KIAA0232: variants seen among roughly 807,000 people sequenced by gnomAD.
The protein encoded by KIAA0232 is uncharacterized protein KIAA0232.
KIAA0232 carries 27 observed loss-of-function variants against 122.0 expected under a neutral mutation model. That is an observed-to-expected ratio of 0.22 (90% confidence interval 0.16 to 0.31). KIAA0232 has a LOEUF of 0.31. Among genes scored for constraint, KIAA0232 ranks in the 10% least tolerant of loss-of-function variants. The pLI, the probability that KIAA0232 is intolerant of heterozygous loss-of-function variation, is 1.00. For missense variants in KIAA0232, 1,551 were observed against 1,634.2 expected, an observed-to-expected ratio of 0.95 and a Z score of 0.88; for synonymous variants, 613 against 587.6, an observed-to-expected ratio of 1.04 and a Z score of -0.63.
At chr4:6,839,135 A>G (rs1290777721) in intron 3 of KIAA0232, among the ~76,000 whole-genome samples, 2 of 152,238 alleles carry the variant, frequency 1.3e-5, no homozygotes, top group Non-Finnish European at 2.9e-5. Flanking sequence ...CAGAAATAAA[A>G]TAAATAAAGC....
chr4:6,808,537 G>A (rs1481417088), intron 2 of KIAA0232, among the ~76,000 whole-genome samples: 1 of 150,300 alleles, frequency 6.7e-6, no homozygotes. Context: ...TTTACATAAG[G>A]CGAAAGCCTG....
intron 2 of KIAA0232, among the ~76,000 whole-genome samples, chr4:6,809,713 A>T (rs1341811856): frequency 6.6e-6 from 1 of 152,198 alleles, no homozygotes; most frequent in Admixed American, 6.5e-5. Context: ...TCCTAGATTT[A>T]ATAAGTAAAT....
In KIAA0232 at chr4:6,861,509, A is replaced by G. The variant is rs1302106164; in HGVS notation, c.1127A>G (p.Lys376Arg). 1 of 1,614,148 alleles carries G rather than the reference A, an allele frequency of 6.2e-7. No individual in the cohort carries two copies. Among genetic ancestry groups the G allele is most frequent in the Non-Finnish European group, 8.5e-7 (1 of 1,180,018 alleles). ...AGACCTTTAAAAGAAATAGGGAGAA[A>G]AGATCCTGGGAGCACTGAAGGAAAA... Reference protein sequence around the residue: ...GKRPLKEIGRKDPGSTEGKDL... With the variant: ...GKRPLKEIGRRDPGSTEGKDL... The change falls in exon 7 of 10, where the codon AAA (lysine) becomes AGA (arginine). Residue 376 changes from lysine to arginine, a missense_variant. By Grantham distance (26) the Lys-to-Arg change is conservative. Coordinates refer to ENST00000307659, the MANE Select transcript of KIAA0232 (RefSeq NM_014743.3).
rs1721010812 is a variant in KIAA0232, at chr4:6,863,608, C to T, written c.3226C>T (p.Leu1076Phe). The T allele has an allele frequency of 1.2e-6, 2 of 1,614,018 alleles. No homozygotes were observed. The highest frequency in any genetic ancestry group is 2.2e-5 in the South Asian group (2 of 91,074). The part of the protein sequence containing the change: ...FSPSFKPKSI[L>F]CSDSDSEVFH... ...CCCCAGTTTTAAACCGAAATCAATCCTCTGTTCTGATTCAGACAGTGAAGT... is the reference window on the plus strand; with the variant it reads ...CCCCAGTTTTAAACCGAAATCAATCTTCTGTTCTGATTCAGACAGTGAAGT... Residue 1076 changes from leucine to phenylalanine, a missense_variant, in exon 7 of 10, where the codon CTC (leucine) becomes TTC (phenylalanine). Physicochemically the swap from Leu to Phe is conservative, Grantham distance 22. Around this residue, in one of 5 missense-constraint regions of KIAA0232, gnomAD observed 1,108 missense variants for 1,154.8 expected, o/e 0.96. Transcript: ENST00000307659.
At chr4:6,841,918 G>T in intron 3 of KIAA0232, 149 bp from the exon 4 acceptor site, 1 of 823,854 alleles carries the variant, frequency 1.2e-6, no homozygotes, top group Non-Finnish European at 1.9e-6. Flanking sequence ...TGGAATGCCA[G>T]CTCCCTTCGT....
At chr4:6,860,864 C>T in intron 6 of KIAA0232, 37 bp from the exon 7 acceptor site, 1 of 1,564,068 alleles carries the variant, frequency 6.4e-7, no homozygotes, top group Non-Finnish European at 8.7e-7. Flanking sequence ...AAAAAATCTG[C>T]ATACTCGTGT....
chr4:6,797,405 A>G (rs1165652504), intron 1 of KIAA0232, among the ~76,000 whole-genome samples: 4 of 152,216 alleles, frequency 2.6e-5, no homozygotes, highest in Non-Finnish European at 4.4e-5. Flanking sequence ...AGTAATGGCC[A>G]AACTAAAAAC....
At chr4:6,786,049 A>G (rs920388526) in intron 1 of KIAA0232, among the ~76,000 whole-genome samples, 16 of 151,984 alleles carry the variant, frequency 1.1e-4, no homozygotes, top group African/African-American at 2.4e-4. Context: ...ATAGTTCTCT[A>G]TTTTTCCTTC....
chr4:6,836,341 T>A (rs552309744), intron 3 of KIAA0232, among the ~76,000 whole-genome samples: 1 of 151,526 alleles, frequency 6.6e-6, no homozygotes, highest in Non-Finnish European at 1.5e-5. Context: ...GTTTTGTTTT[T>A]TTTTTTTGGC....
At position 6,863,023 on chromosome 4, in the gene KIAA0232, T is replaced by A. The variant is rs374751634; in HGVS notation, c.2641T>A (p.Ser881Thr). Residue 881 changes from serine (S) to threonine (T), a missense_variant, in exon 7 of 10, where the codon TCA becomes ACA. This residue lies in a region of KIAA0232 where 1,108 missense variants were observed against 1,154.8 expected (regional missense o/e 0.96). Transcript: ENST00000307659. ...GGAGCCTGATAAGGCTGTGCGGAGG[T>A]CAGAGTACCATCTGTGGGAGGGACA... ...LQEPDKAVRR[S>T]EYHLWEGQKE... 11 of 1,613,972 alleles carry A rather than the reference T, an allele frequency of 6.8e-6. No homozygotes were observed. Among genetic ancestry groups the A allele is most frequent in the Non-Finnish European group, 9.3e-6 (11 of 1,180,006 alleles).
chr4:6,798,345 G>C (rs545318928), intron 1 of KIAA0232, among the ~76,000 whole-genome samples: 3 of 152,152 alleles, frequency 2.0e-5, no homozygotes, highest in Non-Finnish European at 2.9e-5. Context: ...ACTATAGAGA[G>C]CCTAGGTACT....
At chr4:6,794,182 C>T (rs942555601) in intron 1 of KIAA0232, among the ~76,000 whole-genome samples, 7 of 152,196 alleles carry the variant, frequency 4.6e-5, no homozygotes, top group Admixed American at 1.3e-4. Flanking sequence ...GGAACAGCCT[C>T]AGGTCACTGT....
chr4:6,842,612 G>A (rs899786042), intron 4 of KIAA0232, among the ~76,000 whole-genome samples: 3 of 143,296 alleles, frequency 2.1e-5, no homozygotes, highest in Non-Finnish European at 4.5e-5. Flanking sequence ...TTAAGACAGT[G>A]TCTCACTCTG....
chr4:6,857,245 A>G lies in KIAA0232; in HGVS notation c.436+15A>G, dbSNP rs1720614593. Reference sequence around the variant, plus strand: ...GAGTAAGCAAGGTGAGGTCAAAAGCACTGTGCGCACACATGCCAGGATTAC... The same window carrying G: ...GAGTAAGCAAGGTGAGGTCAAAAGCGCTGTGCGCACACATGCCAGGATTAC... On this transcript the variant is annotated intron_variant, in intron 5 of 9. Transcript: ENST00000307659. 5 of 1,607,474 alleles carry G rather than the reference A, an allele frequency of 3.1e-6. No individual in the cohort carries two copies. Among genetic ancestry groups the G allele is most frequent in the Non-Finnish European group, 4.3e-6 (5 of 1,175,602 alleles).
intron 2 of KIAA0232, among the ~76,000 whole-genome samples, chr4:6,812,716 T>C (rs1434034580): frequency 6.6e-6 from 1 of 152,176 alleles, no homozygotes; most frequent in African/African-American, 2.4e-5. Context: ...AATATATCGG[T>C]TGAATAGAGC....
rs1202107938 is a variant in KIAA0232 at position 6,861,473 on chromosome 4, A to G, written c.1091A>G (p.Lys364Arg). The G allele has an allele frequency of 1.9e-6, 3 of 1,614,198 alleles. No individual in the cohort carries two copies. In the East Asian group the frequency reaches 6.7e-5, roughly 36 times the overall value. ...SSSGSVKQLC[K>R]RGKRPLKEIG... ...AGTGGTTCTGTCAAACAGCTGTGCA[A>G]GCGGGGTAAGAGACCTTTAAAAGAA... The change falls in exon 7 of 10, where the codon AAG becomes AGG. Residue 364 changes from lysine to arginine, a missense_variant. Physicochemically the swap from Lys to Arg is conservative, Grantham distance 26 (BLOSUM62 2). Around this residue, in one of 5 missense-constraint regions of KIAA0232, gnomAD observed 377 missense variants for 381.7 expected, o/e 0.99. Transcript: ENST00000307659.
chr4:6,831,612 G>C (rs1380811850), intron 3 of KIAA0232, among the ~76,000 whole-genome samples: 2 of 152,128 alleles, frequency 1.3e-5, no homozygotes, highest in African/African-American at 4.8e-5. Context: ...TGTACAACTT[G>C]ATGAATTTTC....
At chr4:6,843,234 T>C (rs1228789894) in intron 4 of KIAA0232, among the ~76,000 whole-genome samples, 1 of 152,244 alleles carries the variant, frequency 6.6e-6, no homozygotes, top group East Asian at 1.9e-4. Context: ...CATTTTGCTT[T>C]GACCATACTA....
Position 6,828,361 on chromosome 4 carries a change from G to A in KIAA0232, c.231+3677G>A, listed in dbSNP as rs1391053095. ...TGCACTCCAGCCTTGGAAACACAGC[G>A]AGACCCTGTCTCTTAAAAAATAAAT... On this transcript the variant is annotated intron_variant, in intron 3 of 9. Coordinates refer to ENST00000307659, the MANE Select transcript of KIAA0232 (RefSeq NM_014743.3). Among the ~76,000 whole-genome samples the A allele has an allele frequency of 3.3e-5, 5 of 152,154 alleles. No homozygotes were observed. The South Asian group carries it at 6.2e-4, about 19-fold the overall frequency.
Sources: allele counts gnomAD v4.1 joint callset (sites outside exome capture counted in the v4.1 genomes callset), GRCh38; gene constraint gnomAD v4.1.1; regional missense constraint gnomAD v4.1.1; transcripts MANE v1.5; gene names NCBI Gene and HGNC (gene_info 2026-07-23, HGNC 2026-07-21).